Variants in SNORC observed in about 807,000 individuals in gnomAD.
SNORC encodes the protein protein SNORC.
A neutral mutation model predicts 9.7 loss-of-function variants in SNORC; 11 were observed. The observed-to-expected ratio is 1.14, with a 90% confidence interval of 0.72 to 1.88. The LOEUF is 1.88. Among genes scored for constraint, SNORC ranks in the 40% most tolerant of loss-of-function variants. The pLI is 0.00. For missense variants in SNORC, 197 were observed against 173.1 expected (o/e 1.14, Z -0.77); for synonymous variants, 108 against 88.7 (o/e 1.22, Z -1.22).
At chr2:232,873,897 G>C (rs1691120558) in intron 1 of SNORC, among the ~76,000 whole-genome samples, 1 of 152,218 alleles carries the variant, frequency 6.6e-6, no homozygotes. Flanking sequence ...TGCAGCCTTG[G>C]GCCCCTCGGG....
At chr2:232,872,391 C>T (rs1055617535) in intron 1 of SNORC, among the ~76,000 whole-genome samples, 10 of 152,166 alleles carry the variant, frequency 6.6e-5, no homozygotes, top group East Asian at 1.9e-4. Context: ...TGAGCAGAGG[C>T]GCCTGGCCTC....
chr2:232,875,977 C>A (rs1335375328), exon 2 of SNORC: 2 of 1,552,370 alleles, frequency 1.3e-6, no homozygotes, highest in African/African-American at 1.4e-5. Context: ...CGCTGTGGAA[C>A]GAGCCGGCCG....
At position 232,875,638 on chromosome 2, in the gene SNORC, C is replaced by T. The variant is rs918231055; in HGVS notation, c.74-302C>T. 9.6e-6 allele frequency: 5 copies of T among 518,336 alleles called. No homozygotes were observed. In the African/African-American group the frequency reaches 1.0e-4, roughly 10 times the overall value. The allele number at this position is 518,336 out of a possible 1,614,324, so 32.1% of individuals were successfully genotyped here. ...ACTGAGAATGTCTCCTTTCTGCTCT[C>T]TGGTCCCTGGGTACCCCAAATCCTG... is the stretch of plus-strand genomic sequence containing the variant. On this transcript the variant is annotated intron_variant, in intron 1 of 2. Coordinates refer to ENST00000331342, the Ensembl canonical transcript of SNORC.
intron 1 of SNORC, among the ~76,000 whole-genome samples, chr2:232,871,801 G>A (rs1221227737): frequency 2.0e-5 from 3 of 152,190 alleles, no homozygotes; most frequent in African/African-American, 4.8e-5. Flanking sequence ...GTCCGTGTGG[G>A]CCGAAGGGGA....
rs1691233160 is a variant in SNORC at position 232,876,206 on chromosome 2, G to T, written c.257-41G>T. On this transcript the variant is annotated intron_variant, in intron 2 of 2. Coordinates refer to ENST00000331342, the Ensembl canonical transcript of SNORC. The surrounding 1 kb of genome is among the most constrained non-coding windows in gnomAD (Gnocchi z 6.8). ...GGGGCGCGGGGAGAAGGGCCGGCCA[G>T]GCGGGGGCTAGCAGGTGACATGGTC... The T allele has an allele frequency of 2.0e-6, 3 of 1,478,752 alleles. No homozygotes were observed. In the African/African-American group the frequency reaches 4.4e-5, roughly 22 times the overall value. The allele number at this position is 1,478,752 out of a possible 1,614,324, so 91.6% of individuals were successfully genotyped here. A position where few individuals can be genotyped will look rare whatever the true frequency, so the allele number is the denominator to read the frequency against.
upstream of SNORC, among the ~76,000 whole-genome samples, chr2:232,867,138 G>T (rs930883604): frequency 6.6e-6 from 1 of 152,194 alleles, no homozygotes; most frequent in African/African-American, 2.4e-5. Context: ...ACTAAAACTT[G>T]TGAAAATGAG....
At chr2:232,875,993 C>A (rs1223097539) in exon 2 of SNORC, 1 of 1,554,908 alleles carries the variant, frequency 6.4e-7, no homozygotes, top group Non-Finnish European at 8.7e-7. Context: ...GGCCGAGCTG[C>A]CGTCGGGAGA....
At chr2:232,876,813 C>T (rs540348760), downstream of SNORC, 12 of 985,380 alleles carry the variant, frequency 1.2e-5, no homozygotes, top group East Asian at 1.1e-4. The surrounding 1 kb of genome is among the most constrained non-coding windows in gnomAD (Gnocchi z 6.8). Context: ...CGGGCGGCCC[C>T]TTCTCCCGGC....
chr2:232,869,856 G>C (rs1376809914), upstream of SNORC: 4 of 253,478 alleles, frequency 1.6e-5, no homozygotes, highest in Admixed American at 5.2e-5. Context: ...AGTGCTGCCT[G>C]CTTCAGGCCA....
exon 1 of SNORC, chr2:232,870,300 C>T: frequency 1.3e-6 from 2 of 1,536,050 alleles, no homozygotes; most frequent in South Asian, 1.2e-5. Context: ...CAGCGCAGTC[C>T]TCCGTGCGTC....
chr2:232,873,367 G>A lies in SNORC; in HGVS notation c.74-2573G>A, dbSNP rs907056169. Among the ~76,000 whole-genome samples the A allele has an allele frequency of 1.1e-4, 17 of 151,980 alleles. 1 individual carries two copies. ...CAGCAGAGACAGGCTGGGTCACGGG[G>A]GACAGATGGGGACAGGGCCTGAGTG... On this transcript the variant is annotated intron_variant, in intron 1 of 2. Transcript: ENST00000331342.
In SNORC at chr2:232,876,040, C is replaced by T. The variant is rs1332913774; in HGVS notation, c.174C>T (p.Pro58=). Residue 58 remains proline (P), a synonymous_variant, in exon 2 of 3, where the codon CCC becomes CCT. Coordinates refer to ENST00000331342, the Ensembl canonical transcript of SNORC. This position sits in a 1 kb window ranked among gnomAD's most constrained non-coding sequence, Gnocchi z 6.8. ...AGAGCACCAGCCCCGGCCGGGAGCC[C>T]GTGGACACCGGTCCCCCAGCCCCCA... is the stretch of plus-strand genomic sequence containing the variant. 2 of 1,542,708 alleles carry T rather than the reference C, an allele frequency of 1.3e-6. No homozygotes were observed. Among genetic ancestry groups the T allele is most frequent in the Non-Finnish European group, 8.7e-7 (1 of 1,148,056 alleles).
At chr2:232,875,515 G>C (rs1691194201) in intron 1 of SNORC, 2 of 441,270 alleles carry the variant, frequency 4.5e-6, no homozygotes, top group South Asian at 3.4e-5. Flanking sequence ...GCCCAGGGTT[G>C]GAGTGGTGGT....
rs545122636 is a variant in SNORC at position 232,876,226 on chromosome 2, A to G, written c.257-21A>G. On this transcript the variant is annotated intron_variant, in intron 2 of 2. Transcript: ENST00000331342. The surrounding 1 kb of genome is among the most constrained non-coding windows in gnomAD (Gnocchi z 6.8). ...GGCCAGGCGGGGGCTAGCAGGTGACATGGTCCTCCGTCCTCCGCAGGGTCG... is the reference window on the plus strand; with the variant it reads ...GGCCAGGCGGGGGCTAGCAGGTGACGTGGTCCTCCGTCCTCCGCAGGGTCG... 2.0e-6 allele frequency: 3 copies of G among 1,495,416 alleles called. No homozygotes were observed. The highest frequency in any genetic ancestry group is 2.9e-5 in the African/African-American group (2 of 68,950). The allele number at this position is 1,495,416 out of a possible 1,614,324, so 92.6% of individuals were successfully genotyped here.
At chr2:232,877,211 G>A (rs1454237548), downstream of SNORC, 6 of 985,378 alleles carry the variant, frequency 6.1e-6, no homozygotes, top group Non-Finnish European at 7.2e-6. Context: ...GCTGGGGGCC[G>A]GCAGCCCCCA....
At chr2:232,870,369 G>T (rs750537320) in exon 1 of SNORC, 1 of 1,568,954 alleles carries the variant, frequency 6.4e-7, no homozygotes. Flanking sequence ...CCTGCGCATG[G>T]CGCTGCTGCT....
At chr2:232,878,385 C>CG (rs1559185518), downstream of SNORC, 1 of 159,262 alleles carries the variant, frequency 6.3e-6, no homozygotes, top group Non-Finnish European at 1.4e-5. Flanking sequence ...CCTGTAGGGC[C>CG]CCCCCCACCA....
rs775687675 is a variant in SNORC at position 232,876,306 on chromosome 2, G to A, written c.316G>A (p.Val106Met). ...GATCGCCGCCCTGCTGGCCACCTGC[G>A]TGGTGCTGGCGCTCGTGGTCGTCGC... is the stretch of plus-strand genomic sequence containing the variant. Residue 106 changes from valine to methionine, a missense_variant, in exon 3 of 3, where the codon GTG (valine) becomes ATG (methionine). Coordinates refer to ENST00000331342, the Ensembl canonical transcript of SNORC. The surrounding 1 kb of genome is among the most constrained non-coding windows in gnomAD (Gnocchi z 6.8). 25 of 1,547,750 alleles carry A rather than the reference G, an allele frequency of 1.6e-5. No individual in the cohort carries two copies. Among genetic ancestry groups the A allele is most frequent in the Non-Finnish European group, 2.2e-5 (25 of 1,150,654 alleles).
At chr2:232,877,220 C>G (rs1307640646), downstream of SNORC, 6 of 985,536 alleles carry the variant, frequency 6.1e-6, no homozygotes, top group Non-Finnish European at 7.2e-6. Context: ...CGGCAGCCCC[C>G]ACGCCCACGG....
Sources: gnomAD v4.1 joint callset for allele counts (sites outside exome capture counted in the v4.1 genomes callset) on GRCh38, gnomAD v4.1.1 for gene constraint, Gnocchi (gnomAD v3.1) non-coding constraint, MANE v1.5 for transcripts, NCBI Gene and HGNC (gene_info 2026-07-23, HGNC 2026-07-21) for gene names.